The following KLF15 variants were observed in gnomAD, a reference collection of about 807,000 sequenced individuals.
The protein encoded by KLF15 is Krueppel-like factor 15.
Under a neutral mutation model 24.6 loss-of-function variants are expected in KLF15, and 4 were observed. That is an observed-to-expected ratio of 0.16 (90% confidence interval 0.08 to 0.37). The LOEUF (loss-of-function observed/expected upper bound fraction) is 0.37, where lower values mean the gene tolerates loss of function less well. Among genes scored for constraint, KLF15 ranks in the 10% least tolerant of loss-of-function variants. The pLI is 1.00. For synonymous variants in KLF15, 246 were observed against 236.3 expected, an observed-to-expected ratio of 1.04 and a Z score of -0.37; for missense variants, 496 against 560.6, an observed-to-expected ratio of 0.88 and a Z score of 1.16.
the KLF15 span, among the ~76,000 whole-genome samples, chr3:126,310,384 G>A: frequency 9.2e-5 from 14 of 152,290 alleles, no homozygotes; most frequent in Admixed American, 3.3e-4. Context: ...TCCTGCTACC[G>A]AATGAATGTG....
the KLF15 span, among the ~76,000 whole-genome samples, chr3:126,301,610 C>CTTTTTTTTTTTTTTTTTTTTTTTT: frequency 7.6e-6 from 1 of 132,284 alleles, no homozygotes; most frequent in Non-Finnish European, 1.6e-5. Flanking sequence ...TTTTCTTTTT[C>CTTTTTTTTTTTTTTTTTTTTTTTT]TTTTTTTTTT....
At chr3:126,345,670 G>A (rs891257776) in intron 2 of KLF15, among the ~76,000 whole-genome samples, 5 of 152,132 alleles carry the variant, frequency 3.3e-5, no homozygotes, top group Non-Finnish European at 7.4e-5. Flanking sequence ...AGCGAGAGGC[G>A]GTGCCCAGAG....
chr3:126,293,016 A>C, the KLF15 span, among the ~76,000 whole-genome samples: 1 of 152,090 alleles, frequency 6.6e-6, no homozygotes, highest in African/African-American at 2.4e-5. Flanking sequence ...AGAGAATCAA[A>C]GATGATGTTT....
rs552131351 is a variant in KLF15, at chr3:126,354,944, G to T, written c.-25-1997C>A. 3.4e-4 allele frequency among the ~76,000 whole-genome samples: 52 copies of T among 152,342 alleles called. No homozygotes were observed. In the South Asian group the frequency reaches 0.011, roughly 32 times the overall value. On this transcript the variant is annotated intron_variant, in intron 1 of 2. Coordinates refer to ENST00000296233, the MANE Select transcript of KLF15 (RefSeq NM_014079.4). ...GTTCCTCAGGTGTTGTGAGAATTCCGTGAGCTGACGCTCACTAAGCACCCC... is the reference window on the plus strand; with the variant it reads ...GTTCCTCAGGTGTTGTGAGAATTCCTTGAGCTGACGCTCACTAAGCACCCC...
At chr3:126,314,428 G>A in the KLF15 span, among the ~76,000 whole-genome samples, 6 of 152,220 alleles carry the variant, frequency 3.9e-5, no homozygotes, top group East Asian at 3.8e-4. Context: ...CTGACTGACC[G>A]CTTGGGGAAG....
chr3:126,312,076 C>T, the KLF15 span, among the ~76,000 whole-genome samples: 1 of 152,220 alleles, frequency 6.6e-6, no homozygotes, highest in Non-Finnish European at 1.5e-5. Context: ...GCTATAGCCC[C>T]TCTGAGCACC....
the KLF15 span, among the ~76,000 whole-genome samples, chr3:126,301,195 T>C: frequency 6.6e-6 from 1 of 152,212 alleles, no homozygotes; most frequent in African/African-American, 2.4e-5. Flanking sequence ...AGGGTTTCAG[T>C]CCTCAGGGCT....
the KLF15 span, among the ~76,000 whole-genome samples, chr3:126,308,232 C>T: frequency 2.0e-3 from 306 of 152,274 alleles, 2 homozygotes; most frequent in African/African-American, 6.8e-3. Context: ...GTGGAGGTAC[C>T]GGTTGAGTCC....
chr3:126,298,949 G>A, the KLF15 span, among the ~76,000 whole-genome samples: 2 of 152,024 alleles, frequency 1.3e-5, no homozygotes, highest in African/African-American at 4.8e-5. Flanking sequence ...AGCTATGCAG[G>A]CTCTTTTTTG....
chr3:126,357,288 C>A lies in KLF15; in HGVS notation c.-77G>T, dbSNP rs1411751752. ...GGCCAGGCCCCGGCGGTCCTGCGGC[C>A]GGGCGGGCTGGGCTGGGGGCGGCGG... On this transcript the variant is annotated 5_prime_UTR_variant, in exon 1 of 3. Coordinates refer to ENST00000296233, the MANE Select transcript of KLF15 (RefSeq NM_014079.4). 4 of 147,878 alleles carry A rather than the reference C, an allele frequency of 2.7e-5. No homozygotes were observed. Among genetic ancestry groups the A allele is most frequent in the Non-Finnish European group, 6.0e-5 (4 of 66,442 alleles). The allele number at this position is 147,878 out of a possible 1,614,324, so 9.2% of individuals were successfully genotyped here.
downstream of KLF15, among the ~76,000 whole-genome samples, chr3:126,342,048 G>T (rs2082483119): frequency 6.6e-6 from 1 of 152,156 alleles, no homozygotes; most frequent in South Asian, 2.1e-4. Context: ...CCTCAACTGT[G>T]CAACCACACA....
At chr3:126,310,382 C>T in the KLF15 span, among the ~76,000 whole-genome samples, 2 of 152,198 alleles carry the variant, frequency 1.3e-5, no homozygotes, top group Non-Finnish European at 2.9e-5. Context: ...ACTCCTGCTA[C>T]CGAATGAATG....
At chr3:126,289,794 A>G in the KLF15 span, among the ~76,000 whole-genome samples, 1 of 152,228 alleles carries the variant, frequency 6.6e-6, no homozygotes, top group Non-Finnish European at 1.5e-5. Flanking sequence ...TATCTGAGAC[A>G]AGCCTCGATC....
the KLF15 span, among the ~76,000 whole-genome samples, chr3:126,318,694 T>A: frequency 6.9e-6 from 1 of 144,078 alleles, no homozygotes; most frequent in Non-Finnish European, 1.5e-5. Context: ...TACTTACTTA[T>A]TTTTTTTATT....
At chr3:126,320,577 G>A in the KLF15 span, among the ~76,000 whole-genome samples, 72 of 152,316 alleles carry the variant, frequency 4.7e-4, no homozygotes, top group African/African-American at 1.4e-3. Flanking sequence ...CACAAGTATT[G>A]CACATACAGA....
At chr3:126,315,442 GC>G in the KLF15 span, among the ~76,000 whole-genome samples, 1 of 152,206 alleles carries the variant, frequency 6.6e-6, no homozygotes, top group Non-Finnish European at 1.5e-5. Context: ...ACCCCACTGT[GC>G]CCCAGATGGG....
chr3:126,356,946 G>A lies in KLF15; in HGVS notation c.-26+291C>T, dbSNP rs893085258. The stretch of plus-strand genomic sequence containing the variant: ...CCGGTGCCCACCATATGGGAGGGCC[G>A]GCCCGCAAGGCGCGCCACGGAATCG... On this transcript the variant is annotated intron_variant, in intron 1 of 2. Transcript: ENST00000296233. The surrounding 1 kb of genome is among the most constrained non-coding windows in gnomAD (Gnocchi z 4.4). Among the ~76,000 whole-genome samples, 1 of 151,964 alleles carries A rather than the reference G, an allele frequency of 6.6e-6. No individual in the cohort carries two copies. The highest frequency in any genetic ancestry group is 2.4e-5 in the African/African-American group (1 of 41,388).
chr3:126,319,521 A>G, the KLF15 span, among the ~76,000 whole-genome samples: 4 of 152,342 alleles, frequency 2.6e-5, no homozygotes, highest in East Asian at 5.8e-4. Context: ...CTGATGACAT[A>G]TGATGTTGAG....
chr3:126,339,733 G>C (rs900076538), downstream of KLF15, among the ~76,000 whole-genome samples: 1 of 152,090 alleles, frequency 6.6e-6, no homozygotes, highest in Non-Finnish European at 1.5e-5. Flanking sequence ...CAATTTTCCT[G>C]GAAGCCCTGG....
Sources: allele counts gnomAD v4.1 joint callset (sites outside exome capture counted in the v4.1 genomes callset), GRCh38; gene constraint gnomAD v4.1.1; non-coding constraint Gnocchi (gnomAD v3.1); transcripts MANE v1.5; gene names NCBI Gene and HGNC (gene_info 2026-07-23, HGNC 2026-07-21).